Variants in PLSCR2 observed in about 807,000 individuals in gnomAD.
The protein encoded by PLSCR2 is PL scramblase 2.
In PLSCR2, 18 loss-of-function variants were observed where a neutral mutation model predicts 25.3. The ratio of observed to expected loss-of-function variants is 0.71; its 90% CI spans 0.49 to 1.06. The LOEUF (loss-of-function observed/expected upper bound fraction) is 1.06. PLSCR2 is among the 50% of genes least tolerant of loss of function. PLSCR2 has a pLI of 0.00. For missense variants in PLSCR2, 243 were observed against 269.5 expected (o/e 0.90, Z 0.69); for synonymous variants, 88 against 87.3 (o/e 1.01, Z -0.04).
At chr3:146,443,648 C>G (rs921788879) in intron 6 of PLSCR2, among the ~76,000 whole-genome samples, 1 of 151,824 alleles carries the variant, frequency 6.6e-6, no homozygotes, top group Non-Finnish European at 1.5e-5. Context: ...GGTCTTCTCT[C>G]TGTTTTCTTA....
At chr3:146,465,157 C>T (rs1430568882), upstream of PLSCR2, among the ~76,000 whole-genome samples, 4 of 152,094 alleles carry the variant, frequency 2.6e-5, no homozygotes, top group Non-Finnish European at 5.9e-5. Context: ...ACTAATCTAC[C>T]GTTAACTAAT....
At chr3:146,414,905 A>C (rs913625626) in intron 2 of PLSCR2, among the ~76,000 whole-genome samples, 1 of 152,226 alleles carries the variant, frequency 6.6e-6, no homozygotes, top group African/African-American at 2.4e-5. Flanking sequence ...CAGAATTTTC[A>C]GGAATGATCC....
intron 2 of PLSCR2, among the ~76,000 whole-genome samples, chr3:146,407,114 T>G (rs1050589711): frequency 1.3e-5 from 2 of 152,142 alleles, no homozygotes; most frequent in African/African-American, 4.8e-5. Flanking sequence ...TTTTCACCAG[T>G]TTTTAAGATT....
intron 2 of PLSCR2, chr3:146,401,563 G>C (rs946610842): frequency 5.9e-5 from 9 of 152,502 alleles, no homozygotes; most frequent in African/African-American, 1.9e-4. Flanking sequence ...CTGAGGACTA[G>C]AGAATAAAAT....
At chr3:146,427,540 C>CCGGCAATG (rs2039397610) in intron 2 of PLSCR2, among the ~76,000 whole-genome samples, 1 of 152,318 alleles carries the variant, frequency 6.6e-6, no homozygotes, top group Admixed American at 6.5e-5. Context: ...CTGCCCAGCA[C>CCGGCAATG]CGGCAATGCA....
chr3:146,481,688 C>A (rs1374063920), intron 1 of PLSCR2, among the ~76,000 whole-genome samples: 2 of 152,148 alleles, frequency 1.3e-5, no homozygotes, highest in Non-Finnish European at 2.9e-5. Flanking sequence ...CCATTCCCAC[C>A]AAGCTACCAA....
intron 1 of PLSCR2, among the ~76,000 whole-genome samples, chr3:146,482,944 A>G (rs904364184): frequency 6.6e-6 from 1 of 152,162 alleles, no homozygotes; most frequent in Non-Finnish European, 1.5e-5. Flanking sequence ...ATGAAGCTGG[A>G]AACCATCATT....
At chr3:146,443,774 C>G (rs962202622) in intron 6 of PLSCR2, among the ~76,000 whole-genome samples, 3 of 151,536 alleles carry the variant, frequency 2.0e-5, no homozygotes, top group Admixed American at 1.3e-4. Flanking sequence ...TTGCTCTGAA[C>G]TTTATTATTT....
chr3:146,478,201 C>T (rs141539187), intron 1 of PLSCR2, among the ~76,000 whole-genome samples: 17 of 152,302 alleles, frequency 1.1e-4, no homozygotes, highest in Middle Eastern at 6.8e-3. Context: ...ATCGCAACTG[C>T]TCACCAGCAA....
intron 2 of PLSCR2, among the ~76,000 whole-genome samples, chr3:146,410,321 G>A (rs2038803289): frequency 6.6e-6 from 1 of 152,120 alleles, no homozygotes; most frequent in African/African-American, 2.4e-5. Flanking sequence ...CTATTTAAGG[G>A]CACAGGAAAA....
At chr3:146,480,119 C>T (rs2043077129) in intron 1 of PLSCR2, among the ~76,000 whole-genome samples, 1 of 152,030 alleles carries the variant, frequency 6.6e-6, no homozygotes, top group Non-Finnish European at 1.5e-5. Context: ...CACTAAATGC[C>T]CACAAGAGAA....
intron 2 of PLSCR2, among the ~76,000 whole-genome samples, chr3:146,397,973 A>G (rs982909324): frequency 2.0e-5 from 3 of 152,026 alleles, no homozygotes; most frequent in Non-Finnish European, 2.9e-5. Context: ...AAAGGAAGGA[A>G]AATCAGGTAG....
intron 2 of PLSCR2, among the ~76,000 whole-genome samples, chr3:146,399,959 A>G (rs1053995904): frequency 2.0e-5 from 3 of 151,826 alleles, no homozygotes; most frequent in Non-Finnish European, 4.4e-5. Context: ...AAAAGGACAG[A>G]ACAAGTATAC....
At chr3:146,483,391 C>G (rs2043199376) in intron 1 of PLSCR2, among the ~76,000 whole-genome samples, 2 of 135,242 alleles carry the variant, frequency 1.5e-5, no homozygotes, top group Non-Finnish European at 3.2e-5. Context: ...TGTAACAAAT[C>G]TGCATGTTGT....
chr3:146,416,166 G>A (rs547616841), intron 2 of PLSCR2, among the ~76,000 whole-genome samples: 1 of 151,898 alleles, frequency 6.6e-6, no homozygotes, highest in African/African-American at 2.4e-5. Flanking sequence ...TAGCCAGGAT[G>A]GTCTCTATCT....
intron 3 of PLSCR2, 116 bp downstream of exon 3, chr3:146,458,295 A>G: frequency 1.3e-6 from 1 of 789,330 alleles, no homozygotes; most frequent in Non-Finnish European, 1.9e-6. Flanking sequence ...ATTCGTAAAT[A>G]GTCAGTTTTA....
chr3:146,462,427 A>G (rs2041636744), upstream of PLSCR2, among the ~76,000 whole-genome samples: 1 of 151,032 alleles, frequency 6.6e-6, no homozygotes, highest in African/African-American at 2.4e-5. Flanking sequence ...TCAGCCCACG[A>G]CGATGAACAC....
chr3:146,397,299 A>T (rs969136580), intron 2 of PLSCR2, among the ~76,000 whole-genome samples: 9 of 152,130 alleles, frequency 5.9e-5, no homozygotes, highest in African/African-American at 1.9e-4. Context: ...TTTCATAATA[A>T]AAATTTTTGC....
chr3:146,475,851 T>C (rs1450800449), intron 1 of PLSCR2, among the ~76,000 whole-genome samples: 1 of 152,134 alleles, frequency 6.6e-6, no homozygotes, highest in African/African-American at 2.4e-5. Context: ...AGATTATTTC[T>C]TTTTCAGGTC....
Sources: gnomAD v4.1 joint callset for allele counts (sites outside exome capture counted in the v4.1 genomes callset) on GRCh38, gnomAD v4.1.1 for gene constraint, MANE v1.5 for transcripts, NCBI Gene and HGNC (gene_info 2026-07-23, HGNC 2026-07-21) for gene names.